Variants in PFKFB4 observed in about 807,000 individuals in gnomAD.
PFKFB4 encodes 6-phosphofructo-2-kinase/fructose-2,6-bisphosphatase 4.
Under a neutral mutation model 62.8 loss-of-function variants are expected in PFKFB4, and 42 were observed. The ratio of observed to expected loss-of-function variants is 0.67; its 90% CI spans 0.52 to 0.86. PFKFB4 has a LOEUF of 0.86. Among genes scored for constraint, PFKFB4 ranks in the 40% least tolerant of loss-of-function variants. PFKFB4 has a pLI of 0.00. For missense variants in PFKFB4, 475 were observed against 627.2 expected, an observed-to-expected ratio of 0.76 and a Z score of 2.59; for synonymous variants, 204 against 240.7, an observed-to-expected ratio of 0.85 and a Z score of 1.41.
intron 9 of PFKFB4, among the ~76,000 whole-genome samples, chr3:48,531,366 T>C (rs1021502727): frequency 5.3e-5 from 8 of 151,510 alleles, no homozygotes; most frequent in Non-Finnish European, 1.2e-4. Context: ...GCTTGGTGGC[T>C]CATTCCTGTA....
At position 48,528,943 on chromosome 3, in the gene PFKFB4, G is replaced by C. The variant is rs551650844; in HGVS notation, c.988-3274C>G. 8.5e-5 allele frequency among the ~76,000 whole-genome samples: 13 copies of C among 152,238 alleles called. No individual in the cohort carries two copies. The South Asian group carries it at 2.5e-3, about 29-fold the overall frequency. The stretch of plus-strand genomic sequence containing the variant: ...TGATGGGCACAGGATTTCTATCTGG[G>C]GTGATGAAATGTTCTAAAACTGATT... On this transcript the variant is annotated intron_variant, in intron 9 of 13. Coordinates refer to ENST00000232375, the MANE Select transcript of PFKFB4 (RefSeq NM_004567.4).
chr3:48,534,672 A>G (rs2042533366), intron 9 of PFKFB4, among the ~76,000 whole-genome samples: 1 of 139,984 alleles, frequency 7.1e-6, no homozygotes, highest in South Asian at 2.2e-4. Flanking sequence ...TCTTGTCTTG[A>G]AAAAAAAAAA....
chr3:48,561,140 A>T, upstream of PFKFB4: 2 of 1,261,086 alleles, frequency 1.6e-6, no homozygotes, highest in Non-Finnish European at 2.1e-6. The surrounding 1 kb of genome is among the most constrained non-coding windows in gnomAD (Gnocchi z 5.2). Flanking sequence ...GGCCAGGGCC[A>T]CTGCCCCCTG....
intron 3 of PFKFB4, 152 bp from the exon 4 acceptor site, chr3:48,543,798 G>C (rs1333686300): frequency 2.9e-6 from 2 of 681,540 alleles, no homozygotes; most frequent in Non-Finnish European, 5.4e-6. Flanking sequence ...CTTTCCTTAG[G>C]ATAATGTTCA....
intron 13 of PFKFB4, 103 bp from the exon 14 acceptor site, chr3:48,519,909 A>T (rs1396252104): frequency 3.4e-6 from 3 of 888,000 alleles, no homozygotes; most frequent in Admixed American, 3.9e-5. Flanking sequence ...TCACATTCTC[A>T]CTGTAGCAGC....
At position 48,519,564 on chromosome 3, in the gene PFKFB4, T is replaced by C. The variant is rs1418568481; in HGVS notation, c.*183A>G. The C allele has an allele frequency of 1.7e-6, 1 of 588,662 alleles. No individual in the cohort carries two copies. Among genetic ancestry groups the C allele is most frequent in the Non-Finnish European group, 3.1e-6 (1 of 327,526 alleles). 36.5% of individuals were successfully genotyped at this position (588,662 alleles called of 1,614,324 possible). A position where few individuals can be genotyped will look rare whatever the true frequency, so the allele number is the denominator to read the frequency against. On this transcript the variant is annotated 3_prime_UTR_variant, in exon 14 of 14. Transcript: ENST00000232375. ...AGCAGGTCAGGAGCCACGCACAACCTTGTCGCCGACTGTCAACAAAGAGCC... is the reference window on the plus strand; with the variant it reads ...AGCAGGTCAGGAGCCACGCACAACCCTGTCGCCGACTGTCAACAAAGAGCC...
At position 48,519,759 on chromosome 3, in the gene PFKFB4, A is replaced by G. The variant is rs2107432736; in HGVS notation, c.1398T>C (p.Pro466=). The G allele has an allele frequency of 1.2e-6, 2 of 1,613,136 alleles. No individual in the cohort carries two copies. Among genetic ancestry groups the G allele is most frequent in the South Asian group, 2.2e-5 (2 of 91,058 alleles). Residue 466 remains proline (P), a synonymous_variant, in exon 14 of 14, where the codon CCT becomes CCC. Coordinates refer to ENST00000232375, the MANE Select transcript of PFKFB4 (RefSeq NM_004567.4). The stretch of plus-strand genomic sequence containing the variant: ...TGGATGAACATGGTCACTGGTGAGC[A>G]GGCACCGTGACAAGGGCTTCCTCTG... ...RPPEEALVTV[P]AHQ
Position 48,538,717 on chromosome 3 carries a change from GCACCGGA to G in PFKFB4, c.511-105_511-99del, listed in dbSNP as rs372158549. The G allele has an allele frequency of 2.6e-6, 4 of 1,513,282 alleles. No homozygotes were observed. The African/African-American group carries it at 5.5e-5, about 21-fold the overall frequency. The allele number at this position is 1,513,282 out of a possible 1,614,324, so 93.7% of individuals were successfully genotyped here. A position where few individuals can be genotyped will look rare whatever the true frequency, so the allele number is the denominator to read the frequency against. Reference sequence around the variant, plus strand: ...GCTGGGCAGGGGGCTGGAGGAGGTTGCACCGGAGACCAGTGCGGGAACCTGAGGCTGG... The same window carrying G: ...GCTGGGCAGGGGGCTGGAGGAGGTTGGACCAGTGCGGGAACCTGAGGCTGG... On this transcript the variant is annotated intron_variant, in intron 6 of 13. Transcript: ENST00000232375.
At position 48,519,777 on chromosome 3, in the gene PFKFB4, T is replaced by C. The variant is rs1174486852; in HGVS notation, c.1380A>G (p.Glu460=). ...QNVDISRPPE[E]ALVTVPAHQ ...GGTGAGCAGGCACCGTGACAAGGGC[T>C]TCCTCTGGAGGTCTTGAGATGTCCA... The change falls in exon 14 of 14, where the codon GAA becomes GAG. Residue 460 remains glutamate (E), a synonymous_variant. Transcript: ENST00000232375. 42 of 1,613,754 alleles carry C rather than the reference T, an allele frequency of 2.6e-5. No individual in the cohort carries two copies. Among genetic ancestry groups the C allele is most frequent in the Non-Finnish European group, 3.5e-5 (41 of 1,179,860 alleles).
intron 7 of PFKFB4, 42 bp downstream of exon 7, chr3:48,538,456 C>T: frequency 6.2e-7 from 1 of 1,606,216 alleles, no homozygotes; most frequent in South Asian, 1.1e-5. Context: ...ACCCCTGCCG[C>T]CCACCATCAC....
upstream of PFKFB4, chr3:48,562,730 C>CCCT: frequency 6.9e-7 from 1 of 1,457,938 alleles, no homozygotes; most frequent in Admixed American, 2.3e-5. This position sits in a 1 kb window ranked among gnomAD's most constrained non-coding sequence, Gnocchi z 4.3. Flanking sequence ...TGTGTGGCTG[C>CCCT]CCTCCAGGTC....
At position 48,538,444 on chromosome 3, in the gene PFKFB4, T is replaced by C. The variant is rs978707071; in HGVS notation, c.632+54A>G. On this transcript the variant is annotated intron_variant, in intron 7 of 13. Coordinates refer to ENST00000232375, the MANE Select transcript of PFKFB4 (RefSeq NM_004567.4). ...GGGAGCCATAGGAGGCAGCCAAGTA[T>C]GACCCCTGCCGCCCACCATCACAGC... 1.7e-5 allele frequency: 27 copies of C among 1,600,578 alleles called. No homozygotes were observed. The African/African-American group carries it at 2.9e-4, about 17-fold the overall frequency.
At chr3:48,545,953 T>C (rs978495512) in intron 3 of PFKFB4, among the ~76,000 whole-genome samples, 1 of 152,156 alleles carries the variant, frequency 6.6e-6, no homozygotes, top group Non-Finnish European at 1.5e-5. Flanking sequence ...GACACCACCA[T>C]GCAGGAGAGA....
At chr3:48,556,832 C>A, upstream of PFKFB4, 1 of 1,539,804 alleles carries the variant, frequency 6.5e-7, no homozygotes, top group Non-Finnish European at 8.7e-7. This position sits in a 1 kb window ranked among gnomAD's most constrained non-coding sequence, Gnocchi z 5.7. Flanking sequence ...GCCGGGCCAC[C>A]TCGGGCCACC....
chr3:48,539,239 A>G lies in PFKFB4; in HGVS notation c.510+15T>C. Reference sequence around the variant, plus strand: ...TCACACACGACCTTCTGACAAGGTCAGATGCACTACTCACCACGATGTTGG... The same window carrying G: ...TCACACACGACCTTCTGACAAGGTCGGATGCACTACTCACCACGATGTTGG... On this transcript the variant is annotated intron_variant, in intron 6 of 13. Transcript: ENST00000232375. 6.2e-7 allele frequency: 1 copy of G among 1,604,256 alleles called. No individual in the cohort carries two copies. Among genetic ancestry groups the G allele is most frequent in the Non-Finnish European group, 8.5e-7 (1 of 1,171,088 alleles).
chr3:48,562,865 A>C (rs2043456854), upstream of PFKFB4: 1 of 1,595,910 alleles, frequency 6.3e-7, no homozygotes, highest in South Asian at 1.1e-5. The surrounding 1 kb of genome is among the most constrained non-coding windows in gnomAD (Gnocchi z 4.3). Context: ...GGCTTGCTCC[A>C]GTAAGATCTG....
Position 48,556,762 on chromosome 3 carries a change from C to G in PFKFB4, c.16G>C (p.Glu6Gln). 6.2e-7 allele frequency: 1 copy of G among 1,602,082 alleles called. No homozygotes were observed. Among genetic ancestry groups the G allele is most frequent in the Non-Finnish European group, 8.5e-7 (1 of 1,174,540 alleles). The change falls in exon 1 of 14, where the codon GAA (glutamate) becomes CAA (glutamine). Residue 6 changes from glutamate to glutamine, a missense_variant. Transcript: ENST00000232375. The surrounding 1 kb of genome is among the most constrained non-coding windows in gnomAD (Gnocchi z 5.7). MASPRELTQNPLKKIW... is the reference protein window; with the variant it reads MASPRQLTQNPLKKIW... ...TTCTTCAGGGGGTTCTGTGTCAATT[C>G]CCGTGGGGACGCCATCCCGGGGCCG...
At chr3:48,538,965 C>G (rs2042716774) in intron 6 of PFKFB4, among the ~76,000 whole-genome samples, 2 of 152,122 alleles carry the variant, frequency 1.3e-5, no homozygotes, top group Admixed American at 1.3e-4. Context: ...ATGAGTCTTT[C>G]TTTCTCTGAA....
intron 12 of PFKFB4, 27 bp downstream of exon 12, chr3:48,523,510 T>C: frequency 6.2e-7 from 1 of 1,605,856 alleles, no homozygotes; most frequent in Non-Finnish European, 8.5e-7. Flanking sequence ...TGGCTACCCA[T>C]GGTCAATGTG....
Sources: allele counts gnomAD v4.1 joint callset (sites outside exome capture counted in the v4.1 genomes callset), GRCh38; gene constraint gnomAD v4.1.1; non-coding constraint Gnocchi (gnomAD v3.1); transcripts MANE v1.5; gene names NCBI Gene and HGNC (gene_info 2026-07-23, HGNC 2026-07-21).